GPHN: variants seen among roughly 807,000 people sequenced by gnomAD.
The protein encoded by GPHN is gephyrin.
In GPHN, 17 loss-of-function variants were observed where a neutral mutation model predicts 95.5. The ratio of observed to expected loss-of-function variants is 0.18; its 90% CI spans 0.12 to 0.27. The LOEUF (loss-of-function observed/expected upper bound fraction) is 0.27, where lower values mean the gene tolerates loss of function less well. Ranked by LOEUF, GPHN falls within the 10% of genes least tolerant of loss-of-function variation. GPHN has a pLI of 1.00. For synonymous variants in GPHN, 320 were observed against 322.5 expected (o/e 0.99, Z 0.08); for missense variants, 660 against 978.1 (o/e 0.67, Z 4.34).
At chr14:67,542,002 C>T in the GPHN span, 4 of 1,598,248 alleles carry the variant, frequency 2.5e-6, no homozygotes, top group South Asian at 3.4e-5. Flanking sequence ...AGGTGAGTCC[C>T]TCAGAGCAGG....
intron 4 of GPHN, among the ~76,000 whole-genome samples, chr14:66,843,430 C>CACTGAGTTAGACTGCTG (rs1223887925): frequency 8.5e-5 from 13 of 152,196 alleles, no homozygotes; most frequent in African/African-American, 2.9e-4. Flanking sequence ...TGCCTTGTGC[C>CACTGAGTTAGACTGCTG]ACTGAGTTAG....
the GPHN span, among the ~76,000 whole-genome samples, chr14:67,598,766 GT>G: frequency 6.7e-6 from 1 of 149,716 alleles, no homozygotes; most frequent in African/African-American, 2.5e-5. Flanking sequence ...CTGGAGTGCA[GT>G]GGCGTGATCT....
intron 3 of GPHN, among the ~76,000 whole-genome samples, chr14:66,821,237 A>T (rs1269981011): frequency 6.6e-6 from 1 of 152,246 alleles, no homozygotes; most frequent in Non-Finnish European, 1.5e-5. Flanking sequence ...TACAGTAAAT[A>T]GCTAAGATAA....
the GPHN span, chr14:67,349,040 C>T: frequency 2.5e-6 from 4 of 1,613,886 alleles, no homozygotes; most frequent in Non-Finnish European, 3.4e-6. Flanking sequence ...ACGTTACCTG[C>T]TACATTATCT....
chr14:66,568,371 G>T (rs1034246002), intron 1 of GPHN, among the ~76,000 whole-genome samples: 1 of 152,042 alleles, frequency 6.6e-6, no homozygotes, highest in Non-Finnish European at 1.5e-5. Flanking sequence ...TCCTGTTATG[G>T]CATTTTAGGC....
At chr14:67,443,776 T>G in the GPHN span, among the ~76,000 whole-genome samples, 1 of 151,254 alleles carries the variant, frequency 6.6e-6, no homozygotes, top group East Asian at 1.9e-4. Flanking sequence ...CTCTAAAAAA[T>G]AAAAAGAAAA....
At chr14:67,517,464 A>G in the GPHN span, among the ~76,000 whole-genome samples, 1 of 152,266 alleles carries the variant, frequency 6.6e-6, no homozygotes, top group African/African-American at 2.4e-5. Context: ...GAGGCAAAAA[A>G]TAAACATTGA....
chr14:66,689,795 AGGTTTTCTAATTTGTTGGC>A (rs1173850868), intron 2 of GPHN, among the ~76,000 whole-genome samples: 4 of 152,016 alleles, frequency 2.6e-5, no homozygotes, highest in Non-Finnish European at 5.9e-5. Flanking sequence ...CATTTCTGCT[AGGTTTTCTAATTTGTTGGC>A]GTATAGTTGT....
intron 1 of GPHN, among the ~76,000 whole-genome samples, chr14:66,617,036 TTGAC>T (rs1459866489): frequency 6.6e-6 from 1 of 152,130 alleles, no homozygotes; most frequent in African/African-American, 2.4e-5. Context: ...ACGAAGCACT[TTGAC>T]TGTCCATTGG....
the GPHN span, among the ~76,000 whole-genome samples, chr14:67,289,768 C>CTTTTTTTTTTTTTTTTTTTTTT: frequency 4.2e-5 from 4 of 95,508 alleles, 2 homozygotes; most frequent in South Asian, 6.9e-4. Flanking sequence ...TTTTCCATGT[C>CTTTTTTTTTTTTTTTTTTTTTT]CTTTTTTTTT....
intron 1 of GPHN, among the ~76,000 whole-genome samples, chr14:66,612,717 T>C (rs1018404251): frequency 3.9e-5 from 6 of 152,096 alleles, no homozygotes; most frequent in African/African-American, 1.4e-4. Flanking sequence ...ATTGCCTCTT[T>C]CCAGTCAGTC....
chr14:67,729,218 A>C, the GPHN span: 1 of 1,612,186 alleles, frequency 6.2e-7, no homozygotes, highest in South Asian at 1.1e-5. Context: ...TACGCAGTGC[A>C]CCCAGGCGTC....
intron 2 of GPHN, among the ~76,000 whole-genome samples, chr14:66,710,409 G>A (rs2069505363): frequency 6.6e-6 from 1 of 152,052 alleles, no homozygotes; most frequent in Admixed American, 6.6e-5. Flanking sequence ...CTTAGTCTAT[G>A]CATCATCATA....
At chr14:67,065,757 C>CTTTTTTT (rs201638278) in intron 11 of GPHN, among the ~76,000 whole-genome samples, 1 of 128,530 alleles carries the variant, frequency 7.8e-6, no homozygotes, top group Non-Finnish European at 1.6e-5. Context: ...GCAACCCCTG[C>CTTTTTTT]TTTTTTTTTT....
intron 3 of GPHN, among the ~76,000 whole-genome samples, chr14:66,788,083 A>AC (rs1377341644): frequency 1.3e-5 from 2 of 151,192 alleles, no homozygotes; most frequent in Non-Finnish European, 3.0e-5. Flanking sequence ...TAATCCCAGC[A>AC]CTTTGGAAGG....
chr14:67,633,461 G>T, the GPHN span, among the ~76,000 whole-genome samples: 25 of 152,276 alleles, frequency 1.6e-4, no homozygotes, highest in East Asian at 4.6e-3. Flanking sequence ...GTCTCCATGT[G>T]CTTTCAACAG....
At chr14:67,410,484 C>T in the GPHN span, among the ~76,000 whole-genome samples, 21 of 152,280 alleles carry the variant, frequency 1.4e-4, no homozygotes, top group African/African-American at 4.8e-4. Context: ...TGCGAGAAAC[C>T]GGCCTATCAG....
the GPHN span, chr14:67,447,252 T>C: frequency 3.3e-5 from 5 of 152,266 alleles, no homozygotes; most frequent in African/African-American, 1.2e-4. Context: ...TCAGGCCTAA[T>C]TCACAAGGGC....
chr14:66,873,536 A>C (rs995158732), intron 4 of GPHN, among the ~76,000 whole-genome samples: 2 of 152,210 alleles, frequency 1.3e-5, no homozygotes, highest in Non-Finnish European at 2.9e-5. Context: ...TTGCCAGCAC[A>C]GCAGTCTGAA....
Sources: allele counts gnomAD v4.1 joint callset (sites outside exome capture counted in the v4.1 genomes callset), GRCh38; gene constraint gnomAD v4.1.1; transcripts MANE v1.5; gene names NCBI Gene and HGNC (gene_info 2026-07-23, HGNC 2026-07-21).